SMS: variants seen among roughly 807,000 people sequenced by gnomAD.
SMS encodes spermine synthase.
SMS carries 3 observed loss-of-function variants against 33.0 expected under a neutral mutation model. The ratio of observed to expected loss-of-function variants is 0.09; its 90% CI spans 0.04 to 0.23. The LOEUF is 0.23. SMS is among the 10% of genes least tolerant of loss of function. The pLI is 1.00. For missense variants in SMS, 117 were observed against 288.6 expected (o/e 0.41, Z 4.31); for synonymous variants, 103 against 112.2 (o/e 0.92, Z 0.52).
chrX:21,988,662 C>CAAAAAAAA (rs199561897), intron 9 of SMS, among the ~76,000 whole-genome samples: 13 of 66,156 alleles, frequency 2.0e-4, no homozygotes, highest in Non-Finnish European at 2.5e-4. Context: ...GACTCTGTCT[C>CAAAAAAAA]AAAAAAAAAA....
intron 1 of SMS, among the ~76,000 whole-genome samples, chrX:21,949,822 G>A: frequency 9.0e-6 from 1 of 110,894 alleles, no homozygotes; most frequent in Non-Finnish European, 1.9e-5. Flanking sequence ...TACAGGTTGA[G>A]CATCCCTAAT....
chrX:21,988,350 G>T (rs1925497909), intron 9 of SMS, among the ~76,000 whole-genome samples: 1 of 111,239 alleles, frequency 9.0e-6, no homozygotes, highest in Admixed American at 9.6e-5. Context: ...CACCCGCTTT[G>T]CCCAAGTGTG....
chrX:21,946,696 G>A (rs1360920478), intron 1 of SMS, among the ~76,000 whole-genome samples: 3 of 111,647 alleles, frequency 2.7e-5, no homozygotes, highest in African/African-American at 9.8e-5. Context: ...CTGGGGAGAT[G>A]CTACTAGCAT....
At chrX:21,988,065 A>G (rs1285805825) in intron 9 of SMS, among the ~76,000 whole-genome samples, 1 of 112,577 alleles carries the variant, frequency 8.9e-6, no homozygotes, top group East Asian at 2.8e-4. Flanking sequence ...TCCAAAAGAC[A>G]TATGACATGT....
At chrX:21,961,463 C>A (rs1156710904) in intron 1 of SMS, among the ~76,000 whole-genome samples, 2 of 110,702 alleles carry the variant, frequency 1.8e-5, no homozygotes, top group East Asian at 5.6e-4. Context: ...GCACGGGAGG[C>A]AGGTTCCAGC....
intron 1 of SMS, among the ~76,000 whole-genome samples, chrX:21,952,249 G>T (rs914914192): frequency 1.8e-5 from 2 of 111,412 alleles, no homozygotes; most frequent in Non-Finnish European, 3.8e-5. Flanking sequence ...CTAACTGTAG[G>T]TTTTTTGTAG....
chrX:21,961,071 C>G (rs1171671806), intron 1 of SMS, among the ~76,000 whole-genome samples: 1 of 61,814 alleles, frequency 1.6e-5, no homozygotes, highest in Non-Finnish European at 2.8e-5. Context: ...GTGCCAGGTT[C>G]GATTTTGATT....
intron 1 of SMS, among the ~76,000 whole-genome samples, chrX:21,956,873 G>A (rs762708740): frequency 8.9e-6 from 1 of 112,309 alleles, no homozygotes; most frequent in African/African-American, 3.2e-5. Context: ...GAAACACCAC[G>A]CCTGGCCCCT....
At chrX:21,943,361 T>G (rs1273735029) in intron 1 of SMS, among the ~76,000 whole-genome samples, 1 of 111,925 alleles carries the variant, frequency 8.9e-6, no homozygotes, top group African/African-American at 3.3e-5. Flanking sequence ...GGGCTGACAC[T>G]GTCCAGGAGA....
chrX:21,992,849 G>A (rs1316095758), intron 10 of SMS, 137 bp downstream of exon 10: 16 of 413,574 alleles, frequency 3.9e-5, no homozygotes, highest in African/African-American at 3.8e-4. Flanking sequence ...TCCAGCTTAG[G>A]TGCACATTGG....
intron 10 of SMS, 63 bp from the exon 11 acceptor site, chrX:21,994,249 A>C: frequency 1.9e-6 from 2 of 1,039,455 alleles, no homozygotes; most frequent in Non-Finnish European, 2.7e-6. Flanking sequence ...CCAGCAAACG[A>C]ATTACAAGTG....
At chrX:21,958,747 G>A (rs1602190994) in intron 1 of SMS, among the ~76,000 whole-genome samples, 1 of 112,243 alleles carries the variant, frequency 8.9e-6, no homozygotes, top group African/African-American at 3.2e-5. Flanking sequence ...CGCCATCTCG[G>A]CTCACCGCAA....
At chrX:21,950,335 G>T (rs1248593451) in intron 1 of SMS, among the ~76,000 whole-genome samples, 1 of 110,801 alleles carries the variant, frequency 9.0e-6, no homozygotes, top group Non-Finnish European at 1.9e-5. Flanking sequence ...CTACGTGGGG[G>T]TTTGTCTAAT....
chrX:21,953,105 G>GT (rs1157214944), intron 1 of SMS, among the ~76,000 whole-genome samples: 1 of 110,448 alleles, frequency 9.1e-6, no homozygotes, highest in Admixed American at 9.8e-5. Context: ...TTCCTTAACA[G>GT]TTATAGGACT....
intron 2 of SMS, among the ~76,000 whole-genome samples, chrX:21,968,040 C>A (rs1020004739): frequency 8.9e-6 from 1 of 112,278 alleles, no homozygotes; most frequent in Non-Finnish European, 1.9e-5. Flanking sequence ...CCTGTGGGGA[C>A]CCACTAGTTT....
At chrX:21,984,256 C>T (rs1925172272) in intron 7 of SMS, 48 bp from the exon 8 acceptor site, 4 of 789,364 alleles carry the variant, frequency 5.1e-6, no homozygotes, top group Non-Finnish European at 7.8e-6. Context: ...TTTTGTTTAA[C>T]TACATCCACA....
chrX:21,943,580 T>TGA (rs1921976636), intron 1 of SMS, among the ~76,000 whole-genome samples: 1 of 109,863 alleles, frequency 9.1e-6, no homozygotes, highest in Non-Finnish European at 1.9e-5. Flanking sequence ...TTCTTAAAGA[T>TGA]GAGAAAGCTT....
At chrX:21,942,921 C>T (rs908216832) in intron 1 of SMS, among the ~76,000 whole-genome samples, 3 of 105,414 alleles carry the variant, frequency 2.8e-5, no homozygotes, top group Non-Finnish European at 5.8e-5. Flanking sequence ...CTCACTGCAA[C>T]TTCCATCTCC....
chrX:21,976,973 G>T (rs1924574145), intron 4 of SMS, 88 bp from the exon 5 acceptor site: 1 of 919,901 alleles, frequency 1.1e-6, no homozygotes, highest in Non-Finnish European at 1.6e-6. Context: ...CGGCAGTCAT[G>T]TGGCTTTCTT....
Sources: gnomAD v4.1 joint callset for allele counts (sites outside exome capture counted in the v4.1 genomes callset) on GRCh38, gnomAD v4.1.1 for gene constraint, MANE v1.5 for transcripts, NCBI Gene and HGNC (gene_info 2026-07-23, HGNC 2026-07-21) for gene names.